The following APBA2 variants were observed in gnomAD, a reference collection of about 807,000 sequenced individuals.
APBA2 encodes amyloid-beta A4 precursor protein-binding family A member 2.
Under a neutral mutation model 75.0 loss-of-function variants are expected in APBA2, and 30 were observed. That is an observed-to-expected ratio of 0.40 (90% CI 0.30 to 0.54). The LOEUF is 0.54. Among genes scored for constraint, APBA2 ranks in the 20% least tolerant of loss-of-function variants. APBA2 has a pLI of 0.49. For synonymous variants in APBA2, 444 were observed against 409.6 expected (o/e 1.08, Z -1.01); for missense variants, 801 against 1,016.1 (o/e 0.79, Z 2.88).
intron 3 of APBA2, among the ~76,000 whole-genome samples, chr15:29,025,953 A>C (rs1262693441): frequency 1.3e-5 from 2 of 149,040 alleles, no homozygotes; most frequent in African/African-American, 2.5e-5. Context: ...TCCGACTCAA[A>C]AAAAAAAAAA....
At chr15:28,906,729 A>G (rs1466552854) in intron 1 of APBA2, among the ~76,000 whole-genome samples, 1 of 152,204 alleles carries the variant, frequency 6.6e-6, no homozygotes, top group Non-Finnish European at 1.5e-5. Flanking sequence ...TTCATTTTGT[A>G]TTTGTAAAAA....
rs566288203 is a variant in APBA2, at chr15:29,072,217, T to G, written c.952-2704T>G. Among the ~76,000 whole-genome samples the G allele has an allele frequency of 3.9e-5, 6 of 152,258 alleles. No homozygotes were observed. The East Asian group carries it at 1.2e-3, about 29-fold the overall frequency. ...CTGGTTGATTTCTTTGGGGTTTTTT[T>G]GGAGATGACCAGCACCTGTCCAGCA... On this transcript the variant is annotated intron_variant, in intron 4 of 14. Transcript: ENST00000683413.
chr15:28,931,951 T>A (rs1595488242), intron 2 of APBA2, among the ~76,000 whole-genome samples: 1 of 152,192 alleles, frequency 6.6e-6, no homozygotes, highest in Non-Finnish European at 1.5e-5. Flanking sequence ...CAGAGGGGCA[T>A]CCAGGACAGG....
At chr15:28,950,685 G>C (rs2035816828) in intron 2 of APBA2, among the ~76,000 whole-genome samples, 1 of 151,920 alleles carries the variant, frequency 6.6e-6, no homozygotes, top group Non-Finnish European at 1.5e-5. Context: ...AGTCCTCCCT[G>C]GAAGGAGGTC....
At chr15:28,908,011 C>A (rs1181812187) in intron 1 of APBA2, among the ~76,000 whole-genome samples, 3 of 152,222 alleles carry the variant, frequency 2.0e-5, no homozygotes, top group Admixed American at 1.3e-4. Flanking sequence ...GTGAAAATAT[C>A]CTCTTACGCA....
chr15:28,963,210 C>T (rs999816513), intron 2 of APBA2, among the ~76,000 whole-genome samples: 7 of 152,132 alleles, frequency 4.6e-5, no homozygotes, highest in Non-Finnish European at 1.0e-4. Flanking sequence ...TGATGTGGGA[C>T]GTGGTATTTT....
intron 3 of APBA2, among the ~76,000 whole-genome samples, chr15:29,025,618 G>A (rs1215721078): frequency 2.0e-5 from 3 of 152,052 alleles, no homozygotes; most frequent in Non-Finnish European, 2.9e-5. Flanking sequence ...GAGACGGATG[G>A]TGGTGGATTG....
At chr15:29,107,386 G>C (rs544473248) in intron 12 of APBA2, among the ~76,000 whole-genome samples, 21 of 152,300 alleles carry the variant, frequency 1.4e-4, no homozygotes, top group African/African-American at 5.1e-4. Flanking sequence ...CTGGCCGCCT[G>C]CGAAGGAATG....
At position 28,991,919 on chromosome 15, in the gene APBA2, G is replaced by A. The variant is rs1190382330; in HGVS notation, c.-94-3834G>A. Among the ~76,000 whole-genome samples, 2 of 152,232 alleles carry A rather than the reference G, an allele frequency of 1.3e-5. No individual in the cohort carries two copies. Among genetic ancestry groups the A allele is most frequent in the Non-Finnish European group, 2.9e-5 (2 of 68,048 alleles). ...GTGCCGAGTGCCAGCCCCTTAGCAA[G>A]TGCAGCGTTGCCCATTTCACTCTGG... is the stretch of plus-strand genomic sequence containing the variant. On this transcript the variant is annotated intron_variant, in intron 2 of 14. Transcript: ENST00000683413. This position sits in a 1 kb window ranked among gnomAD's most constrained non-coding sequence, Gnocchi z 4.7.
chr15:29,004,983 G>A (rs537797839), intron 3 of APBA2, among the ~76,000 whole-genome samples: 13 of 151,956 alleles, frequency 8.6e-5, no homozygotes, highest in Non-Finnish European at 1.5e-4. Context: ...CCCGGCCAGG[G>A]ACCTTGTTTA....
At chr15:28,906,359 C>T (rs2152640314) in intron 1 of APBA2, among the ~76,000 whole-genome samples, 1 of 152,310 alleles carries the variant, frequency 6.6e-6, no homozygotes, top group East Asian at 1.9e-4. Flanking sequence ...GCATTATTCT[C>T]TCTGACACTT....
chr15:29,075,323 T>G (rs137980020), intron 5 of APBA2, among the ~76,000 whole-genome samples: 24 of 152,314 alleles, frequency 1.6e-4, no homozygotes, highest in Non-Finnish European at 2.2e-4. Context: ...CTATTCATTG[T>G]CTGATAACCA....
intron 1 of APBA2, among the ~76,000 whole-genome samples, chr15:28,905,330 A>C (rs1463311419): frequency 2.6e-5 from 4 of 152,198 alleles, no homozygotes; most frequent in Admixed American, 2.0e-4. Flanking sequence ...AATTCCCCGC[A>C]ATTGGACTTT....
intron 1 of APBA2, among the ~76,000 whole-genome samples, chr15:28,907,585 G>C (rs1199924130): frequency 1.3e-5 from 2 of 152,228 alleles, no homozygotes; most frequent in African/African-American, 4.8e-5. Flanking sequence ...GCCCCCAGCG[G>C]GATGGTCATT....
At chr15:29,032,915 A>G (rs2040555779) in intron 3 of APBA2, among the ~76,000 whole-genome samples, 1 of 152,242 alleles carries the variant, frequency 6.6e-6, no homozygotes, top group Non-Finnish European at 1.5e-5. Context: ...CAGGTCAGAC[A>G]GACACACTGA....
intron 2 of APBA2, among the ~76,000 whole-genome samples, chr15:28,950,781 A>G (rs191323527): frequency 9.3e-4 from 142 of 152,298 alleles, no homozygotes; most frequent in African/African-American, 3.3e-3. Flanking sequence ...ATTATTTGGA[A>G]TATTTCTGTA....
intron 6 of APBA2, among the ~76,000 whole-genome samples, chr15:29,089,321 G>A (rs1012139950): frequency 6.6e-6 from 1 of 152,236 alleles, no homozygotes; most frequent in Admixed American, 6.5e-5. Flanking sequence ...TCATGGCGTG[G>A]TTGAGGACTG....
intron 3 of APBA2, among the ~76,000 whole-genome samples, chr15:28,997,090 T>C (rs2038567727): frequency 6.6e-6 from 1 of 152,340 alleles, no homozygotes; most frequent in Non-Finnish European, 1.5e-5. Context: ...CTTTCCCACA[T>C]TGTGGTAACC....
intron 2 of APBA2, among the ~76,000 whole-genome samples, chr15:28,936,647 G>A (rs73366739): frequency 0.014 from 2,150 of 152,348 alleles, 58 homozygotes; most frequent in African/African-American, 0.039. Context: ...AGAGGCAAGC[G>A]AGGCAGAGAG....
Sources: gnomAD v4.1 joint callset for allele counts (sites outside exome capture counted in the v4.1 genomes callset) on GRCh38, gnomAD v4.1.1 for gene constraint, Gnocchi (gnomAD v3.1) non-coding constraint, MANE v1.5 for transcripts, NCBI Gene and HGNC (gene_info 2026-07-23, HGNC 2026-07-21) for gene names.